Variants in DPH6 observed in about 807,000 individuals in gnomAD.
The protein encoded by DPH6 is diphthine--ammonia ligase.
DPH6 carries 33 observed loss-of-function variants against 38.2 expected under a neutral mutation model. The observed-to-expected ratio is 0.86, with a 90% CI of 0.65 to 1.15. The LOEUF (loss-of-function observed/expected upper bound fraction) is 1.15. Ranked by LOEUF, DPH6 falls within the 50% of genes most tolerant of loss-of-function variation. The pLI is 0.00. For synonymous variants in DPH6, 108 were observed against 103.0 expected (o/e 1.05, Z -0.30); for missense variants, 325 against 320.0 (o/e 1.02, Z -0.12).
At chr15:35,270,140 T>A (rs1476579833) in intron 3 of DPH6, among the ~76,000 whole-genome samples, 3 of 152,124 alleles carry the variant, frequency 2.0e-5, no homozygotes, top group African/African-American at 7.2e-5. Flanking sequence ...TTAACTGAAA[T>A]GTAAGATGCA....
intron 5 of DPH6, among the ~76,000 whole-genome samples, chr15:35,436,514 C>CAAAAACA (rs2053715786): frequency 8.1e-6 from 1 of 123,200 alleles, no homozygotes; most frequent in African/African-American, 3.3e-5. Flanking sequence ...CAAAACAAAA[C>CAAAAACA]AAAAAAGGTT....
the DPH6 span, among the ~76,000 whole-genome samples, chr15:35,158,398 T>G: frequency 6.6e-6 from 1 of 152,110 alleles, no homozygotes; most frequent in Admixed American, 6.6e-5. Flanking sequence ...TTATATGCAC[T>G]CACCAAATGT....
rs58422347 is a variant in DPH6 at position 35,542,965 on chromosome 15, T to TATAA, written c.24-459_24-458insTTAT. Among the ~76,000 whole-genome samples the TATAA allele has an allele frequency of 2.9e-4, 22 of 76,170 alleles. 1 individual carries two copies. Among genetic ancestry groups the TATAA allele is most frequent in the South Asian group, 1.8e-3 (3 of 1,706 alleles). 50.0% of individuals were successfully genotyped at this position (76,170 alleles called of 152,430 possible). A position where few individuals can be genotyped will look rare whatever the true frequency, so the allele number is the denominator to read the frequency against. On this transcript the variant is annotated intron_variant, in intron 1 of 8. Coordinates refer to ENST00000256538, the MANE Select transcript of DPH6 (RefSeq NM_080650.4). ...TAAGGAATATATATATATATATATA[T>TATAA]AAAATAATTTCATAGAAATTATTGG...
the DPH6 span, among the ~76,000 whole-genome samples, chr15:35,164,062 TC>T: frequency 1.3e-5 from 2 of 151,880 alleles, no homozygotes; most frequent in African/African-American, 2.4e-5. Flanking sequence ...AATAATCACT[TC>T]CCAGCAAACC....
chr15:35,476,715 C>A (rs1230794345), intron 3 of DPH6, among the ~76,000 whole-genome samples: 1 of 151,662 alleles, frequency 6.6e-6, no homozygotes, highest in Non-Finnish European at 1.5e-5. Context: ...AAACAAGGTC[C>A]TATGATTAAT....
chr15:35,522,500 T>A (rs1323880631), intron 3 of DPH6, among the ~76,000 whole-genome samples: 1 of 151,870 alleles, frequency 6.6e-6, no homozygotes, highest in Non-Finnish European at 1.5e-5. Flanking sequence ...AGCAAAAAAA[T>A]TAAGTAAAAT....
intron 3 of DPH6, among the ~76,000 whole-genome samples, chr15:35,511,766 TAG>T (rs2054776218): frequency 6.6e-6 from 1 of 150,880 alleles, no homozygotes; most frequent in African/African-American, 2.4e-5. Flanking sequence ...CAAACAAAAA[TAG>T]AGAGAATTAG....
chr15:35,356,091 T>C (rs1206144731), intron 3 of DPH6, among the ~76,000 whole-genome samples: 2 of 152,216 alleles, frequency 1.3e-5, no homozygotes, highest in Non-Finnish European at 2.9e-5. Context: ...TTGAAGCTTG[T>C]GTATTCGTCA....
intron 5 of DPH6, among the ~76,000 whole-genome samples, chr15:35,421,586 G>C (rs1367251483): frequency 6.6e-6 from 1 of 152,126 alleles, no homozygotes; most frequent in Non-Finnish European, 1.5e-5. Context: ...GAAGGGATTT[G>C]AAATATTTAT....
chr15:35,247,651 C>A (rs556352514), intron 3 of DPH6, among the ~76,000 whole-genome samples: 23 of 152,268 alleles, frequency 1.5e-4, no homozygotes, highest in Admixed American at 3.9e-4. Context: ...TTTACTATTT[C>A]TTTAGTTTGC....
intron 3 of DPH6, among the ~76,000 whole-genome samples, chr15:35,474,335 C>G (rs1595395770): frequency 6.6e-6 from 1 of 152,122 alleles, no homozygotes; most frequent in Admixed American, 6.6e-5. Context: ...GGTTTCAAAA[C>G]TAGCAAAATA....
intron 3 of DPH6, chr15:35,489,658 G>A: frequency 1.0e-6 from 1 of 976,452 alleles, no homozygotes; most frequent in Non-Finnish European, 1.2e-6. Context: ...ATACCCTAAG[G>A]CATACAACAG....
chr15:35,348,656 T>C (rs967668766), intron 3 of DPH6, among the ~76,000 whole-genome samples: 2 of 152,144 alleles, frequency 1.3e-5, no homozygotes, highest in African/African-American at 4.8e-5. Context: ...AGATACCACA[T>C]GAACTTTAGG....
At chr15:35,207,038 CTTTT>C in the DPH6 span, among the ~76,000 whole-genome samples, 2,115 of 74,006 alleles carry the variant, frequency 0.029, 61 homozygotes, top group African/African-American at 0.098. Flanking sequence ...TTTAGTAAAG[CTTTT>C]TTTTTTTTTT....
chr15:35,378,541 G>A (rs1207415961), intron 7 of DPH6, among the ~76,000 whole-genome samples: 2 of 151,998 alleles, frequency 1.3e-5, no homozygotes, highest in African/African-American at 4.8e-5. Context: ...TGTTTATTGT[G>A]GCACCATTCA....
intron 3 of DPH6, among the ~76,000 whole-genome samples, chr15:35,536,152 T>A (rs1450805636): frequency 6.6e-6 from 1 of 152,018 alleles, no homozygotes; most frequent in Non-Finnish European, 1.5e-5. Context: ...TTTTCTAGAT[T>A]CATTTTTTTT....
At chr15:35,262,705 C>CAAAAGAAAAAAAAAAA (rs2051756241) in intron 3 of DPH6, among the ~76,000 whole-genome samples, 1 of 82,632 alleles carries the variant, frequency 1.2e-5, no homozygotes, top group African/African-American at 6.4e-5. Flanking sequence ...GACTCCGTCT[C>CAAAAGAAAAAAAAAAA]AAAAAAAAAA....
At chr15:35,260,203 G>T (rs1473578758) in intron 3 of DPH6, among the ~76,000 whole-genome samples, 2 of 152,012 alleles carry the variant, frequency 1.3e-5, no homozygotes, top group African/African-American at 4.8e-5. Flanking sequence ...CCGCCTCCTG[G>T]GTTCAAGCAA....
the DPH6 span, among the ~76,000 whole-genome samples, chr15:35,204,663 G>A: frequency 6.6e-6 from 1 of 151,690 alleles, no homozygotes; most frequent in Non-Finnish European, 1.5e-5. Context: ...TACAGTAAAA[G>A]GAGTAATTGA....
Sources: allele counts gnomAD v4.1 joint callset (sites outside exome capture counted in the v4.1 genomes callset), GRCh38; gene constraint gnomAD v4.1.1; transcripts MANE v1.5; gene names NCBI Gene and HGNC (gene_info 2026-07-23, HGNC 2026-07-21).